Variants in SHROOM3 observed in about 807,000 individuals in gnomAD.
The protein encoded by SHROOM3 is shroom family member 3, also known as protein Shroom3.
A neutral mutation model predicts 138.6 loss-of-function variants in SHROOM3; 47 were observed. The observed-to-expected ratio is 0.34, with a 90% CI of 0.27 to 0.43. SHROOM3 has a LOEUF of 0.43. Among genes scored for constraint, SHROOM3 ranks in the 20% least tolerant of loss-of-function variants. The probability of loss-of-function intolerance (pLI) is 1.00; values close to 1 mark genes in which losing one functional copy is unlikely to be tolerated. For missense variants in SHROOM3, 2,491 were observed against 2,596.5 expected (o/e 0.96, Z 0.88); for synonymous variants, 1,062 against 1,063.3 (o/e 1.00, Z 0.02).
intron 1 of SHROOM3, among the ~76,000 whole-genome samples, chr4:76,498,964 T>G (rs1187398658): frequency 6.6e-6 from 1 of 152,174 alleles, no homozygotes; most frequent in Non-Finnish European, 1.5e-5. Context: ...TTCTAACCAA[T>G]TTTATGAGAA....
At chr4:76,589,089 T>C (rs1734209413) in intron 2 of SHROOM3, among the ~76,000 whole-genome samples, 1 of 152,266 alleles carries the variant, frequency 6.6e-6, no homozygotes. Context: ...ATGGGTGGCA[T>C]ATCATCTGAT....
At chr4:76,539,361 A>T (rs1002964137) in intron 1 of SHROOM3, among the ~76,000 whole-genome samples, 2 of 152,100 alleles carry the variant, frequency 1.3e-5, no homozygotes, top group Non-Finnish European at 2.9e-5. Context: ...GATGGTTGAA[A>T]TTATCAAGCC....
At chr4:76,484,207 G>T (rs1731679750) in intron 1 of SHROOM3, among the ~76,000 whole-genome samples, 1 of 151,958 alleles carries the variant, frequency 6.6e-6, no homozygotes, top group Admixed American at 6.6e-5. Context: ...CCTTTAGTTA[G>T]CAATTTCTAT....
chr4:76,755,139 C>G lies in SHROOM3; in HGVS notation c.4656C>G (p.His1552Gln), dbSNP rs769356723. 1.9e-6 allele frequency: 3 copies of G among 1,613,344 alleles called. No individual in the cohort carries two copies. Among genetic ancestry groups the G allele is most frequent in the Non-Finnish European group, 8.5e-7 (1 of 1,179,630 alleles). ...SMDDFPPPPP[H>Q]TVCEAQLDSE... The stretch of plus-strand genomic sequence containing the variant: ...ATGACTTCCCTCCACCTCCTCCCCA[C>G]ACTGTATGTGAGGCGCAGCTGGACA... The change falls in exon 7 of 11, where the codon CAC becomes CAG. Residue 1552 changes from histidine to glutamine, a missense_variant. Transcript: ENST00000296043.
intron 2 of SHROOM3, among the ~76,000 whole-genome samples, chr4:76,612,140 T>C (rs1734777211): frequency 6.6e-6 from 1 of 152,204 alleles, no homozygotes; most frequent in African/African-American, 2.4e-5. Flanking sequence ...TTTGGAGGTA[T>C]ATTTTTCCAT....
At chr4:76,622,723 A>G (rs1735035995) in intron 2 of SHROOM3, among the ~76,000 whole-genome samples, 1 of 152,020 alleles carries the variant, frequency 6.6e-6, no homozygotes, top group African/African-American at 2.4e-5. Flanking sequence ...GTTATGGTAA[A>G]TCTTCATGAT....
intron 2 of SHROOM3, among the ~76,000 whole-genome samples, chr4:76,643,527 C>G (rs1735735345): frequency 6.6e-6 from 1 of 152,110 alleles, no homozygotes; most frequent in Non-Finnish European, 1.5e-5. Flanking sequence ...GAAAGGGGTT[C>G]TAAACAGTGA....
intron 2 of SHROOM3, among the ~76,000 whole-genome samples, chr4:76,609,475 G>C (rs1020164242): frequency 6.6e-6 from 1 of 152,138 alleles, no homozygotes; most frequent in Non-Finnish European, 1.5e-5. Context: ...TGGAGAGATA[G>C]GGTCTTACTA....
chr4:76,441,237 G>A (rs1489824047), intron 1 of SHROOM3, among the ~76,000 whole-genome samples: 3 of 151,974 alleles, frequency 2.0e-5, no homozygotes, highest in African/African-American at 4.8e-5. Context: ...TGGGACTACA[G>A]GCGCCTGCCA....
At chr4:76,775,231 C>G (rs902359810) in intron 10 of SHROOM3, among the ~76,000 whole-genome samples, 5 of 152,108 alleles carry the variant, frequency 3.3e-5, no homozygotes, top group African/African-American at 1.2e-4. Context: ...TCCTGAGTCA[C>G]TTCACTTAGA....
chr4:76,518,887 G>T (rs536165885), intron 1 of SHROOM3, among the ~76,000 whole-genome samples: 1 of 152,262 alleles, frequency 6.6e-6, no homozygotes, highest in Non-Finnish European at 1.5e-5. Context: ...AAGCGCAAGG[G>T]CATAGAGATT....
intron 2 of SHROOM3, among the ~76,000 whole-genome samples, chr4:76,651,714 C>A (rs981863377): frequency 6.6e-6 from 1 of 151,996 alleles, no homozygotes; most frequent in African/African-American, 2.4e-5. Flanking sequence ...ATTAATTGTC[C>A]AAGCCAAAGA....
In SHROOM3 at chr4:76,740,771, G is replaced by A. The variant is rs1721222812; in HGVS notation, c.2598G>A (p.Gln866=). The change falls in exon 5 of 11, where the codon CAG becomes CAA. Residue 866 remains glutamine, a synonymous_variant. Coordinates refer to ENST00000296043, the MANE Select transcript of SHROOM3 (RefSeq NM_020859.4). This position sits in a 1 kb window ranked among gnomAD's most constrained non-coding sequence, Gnocchi z 4.0. The stretch of plus-strand genomic sequence containing the variant: ...CTTCCCGGCAGCCCTGCGGTCAGCA[G>A]CTGAGCGGAGGAGCGTCGGACAGCG... ...EEASRQPCGQ[Q]LSGGASDSGR... The A allele has an allele frequency of 1.9e-6, 3 of 1,612,696 alleles. No homozygotes were observed. Among genetic ancestry groups the A allele is most frequent in the Non-Finnish European group, 2.5e-6 (3 of 1,179,938 alleles).
chr4:76,779,073 A>C lies in SHROOM3; in HGVS notation c.5887A>C (p.Lys1963Gln), dbSNP rs763482488. 1.2e-6 allele frequency: 2 copies of C among 1,614,152 alleles called. No individual in the cohort carries two copies. Among genetic ancestry groups the C allele is most frequent in the South Asian group, 2.2e-5 (2 of 91,080 alleles). Reference sequence around the variant, plus strand: ...GAGCCTGCCCTCAGATTTCATTCCCAAGGCTGGGGCCCTGGCTCTGCCCCC... The same window carrying C: ...GAGCCTGCCCTCAGATTTCATTCCCCAGGCTGGGGCCCTGGCTCTGCCCCC... ...LESLPSDFIPKAGALALPPNL... is the reference protein window; with the variant it reads ...LESLPSDFIPQAGALALPPNL... Residue 1963 changes from lysine (K) to glutamine (Q), a missense_variant, in exon 11 of 11, where the codon AAG becomes CAG. Transcript: ENST00000296043.
chr4:76,550,268 T>C (rs184049002), intron 1 of SHROOM3, among the ~76,000 whole-genome samples: 61 of 152,286 alleles, frequency 4.0e-4, no homozygotes, highest in African/African-American at 1.4e-3. Context: ...CTGCCAATGA[T>C]AGATGCTTAA....
chr4:76,648,319 T>C (rs1735872018), intron 2 of SHROOM3, among the ~76,000 whole-genome samples: 1 of 152,086 alleles, frequency 6.6e-6, no homozygotes, highest in Non-Finnish European at 1.5e-5. Context: ...CAGAGTGATA[T>C]CTTATCTTTA....
intron 2 of SHROOM3, among the ~76,000 whole-genome samples, chr4:76,697,963 T>C (rs557173438): frequency 3.3e-5 from 5 of 152,278 alleles, no homozygotes; most frequent in African/African-American, 1.2e-4. Flanking sequence ...ATGAAGGGGA[T>C]AAGTAGAAAA....
chr4:76,608,656 C>T (rs1560563326), intron 2 of SHROOM3, among the ~76,000 whole-genome samples: 12 of 26,752 alleles, frequency 4.5e-4, no homozygotes, highest in South Asian at 4.5e-3. Flanking sequence ...CATAGCATAG[C>T]ATAGCATAGC....
intron 2 of SHROOM3, among the ~76,000 whole-genome samples, chr4:76,691,417 G>A (rs532018482): frequency 6.6e-6 from 1 of 152,244 alleles, no homozygotes; most frequent in East Asian, 1.9e-4. Flanking sequence ...TGGGACCAAA[G>A]CAAATTAAGG....
Sources: allele counts gnomAD v4.1 joint callset (sites outside exome capture counted in the v4.1 genomes callset), GRCh38; gene constraint gnomAD v4.1.1; non-coding constraint Gnocchi (gnomAD v3.1); transcripts MANE v1.5; gene names NCBI Gene and HGNC (gene_info 2026-07-23, HGNC 2026-07-21).